The following CAMK4 variants were observed in gnomAD, a reference collection of about 807,000 sequenced individuals.
CAMK4 encodes calcium/calmodulin-dependent protein kinase type IV.
A neutral mutation model predicts 44.9 loss-of-function variants in CAMK4; 22 were observed. The observed-to-expected ratio is 0.49, with a 90% CI of 0.35 to 0.70. The LOEUF (loss-of-function observed/expected upper bound fraction) is 0.70, where lower values mean the gene tolerates loss of function less well. CAMK4 is among the 30% of genes least tolerant of loss of function. CAMK4 has a pLI of 0.01. For missense variants in CAMK4, 498 were observed against 586.8 expected (o/e 0.85, Z 1.56); for synonymous variants, 218 against 215.4 (o/e 1.01, Z -0.11).
intron 4 of CAMK4, among the ~76,000 whole-genome samples, chr5:111,381,448 G>A (rs545889227): frequency 1.2e-4 from 18 of 152,216 alleles, no homozygotes; most frequent in African/African-American, 3.4e-4. Flanking sequence ...TCCAAGAGTC[G>A]GAAAGCTGAA....
intron 2 of CAMK4, 59 bp from the exon 3 acceptor site, chr5:111,374,791 C>T (rs2112822796): frequency 2.8e-6 from 3 of 1,059,588 alleles, no homozygotes; most frequent in South Asian, 2.5e-5. Flanking sequence ...GTTTCTATTT[C>T]TCTGCTACAA....
At chr5:111,359,777 G>C (rs1028920426) in intron 2 of CAMK4, among the ~76,000 whole-genome samples, 1 of 151,934 alleles carries the variant, frequency 6.6e-6, no homozygotes, top group African/African-American at 2.4e-5. Flanking sequence ...TAAGGAAGGA[G>C]TCCAGTTTTA....
At chr5:111,458,615 G>A (rs992768789) in intron 7 of CAMK4, among the ~76,000 whole-genome samples, 6 of 152,126 alleles carry the variant, frequency 3.9e-5, no homozygotes, top group African/African-American at 1.4e-4. Context: ...TATACAGAAA[G>A]AGGTGATAAT....
chr5:111,491,501 G>A lies in CAMK4; in HGVS notation c.*7035G>A, dbSNP rs1445828637. ...CTTCTGAGAAAGTTAGGAAAATTTTGTTTTATGTTGCAGATGCTCTCACAA... is the reference window on the plus strand; with the variant it reads ...CTTCTGAGAAAGTTAGGAAAATTTTATTTTATGTTGCAGATGCTCTCACAA... On this transcript the variant is annotated 3_prime_UTR_variant, in exon 11 of 11. Coordinates refer to ENST00000282356, the MANE Select transcript of CAMK4 (RefSeq NM_001744.6). 6.7e-6 allele frequency: 1 copy of A among 148,634 alleles called. No individual in the cohort carries two copies. The highest frequency in any genetic ancestry group is 1.5e-5 in the Non-Finnish European group (1 of 67,182). 9.2% of individuals were successfully genotyped at this position (148,634 alleles called of 1,614,324 possible).
intron 1 of CAMK4, among the ~76,000 whole-genome samples, chr5:111,329,958 C>T (rs143759500): frequency 3.8e-4 from 58 of 151,728 alleles, no homozygotes; most frequent in African/African-American, 1.3e-3. Context: ...GCTCCCACTA[C>T]TTCAATAGAA....
chr5:111,396,860 C>T (rs1487065530), intron 5 of CAMK4, among the ~76,000 whole-genome samples: 2 of 151,788 alleles, frequency 1.3e-5, no homozygotes, highest in African/African-American at 4.8e-5. Context: ...AGGCTGACCT[C>T]GAACTCCTGA....
At chr5:111,334,697 C>G (rs1007675579) in intron 1 of CAMK4, among the ~76,000 whole-genome samples, 7 of 151,460 alleles carry the variant, frequency 4.6e-5, no homozygotes, top group African/African-American at 1.5e-4. Context: ...ATGATTGACA[C>G]TTCTTTTAAA....
chr5:111,413,415 A>G (rs376768241), intron 5 of CAMK4, among the ~76,000 whole-genome samples: 18 of 152,124 alleles, frequency 1.2e-4, no homozygotes, highest in African/African-American at 4.3e-4. Flanking sequence ...TGTCTCTACT[A>G]AAAATACAAA....
intron 2 of CAMK4, among the ~76,000 whole-genome samples, chr5:111,360,850 A>T (rs1367972257): frequency 1.3e-5 from 2 of 152,092 alleles, no homozygotes; most frequent in Non-Finnish European, 2.9e-5. Context: ...ATATATTGCT[A>T]TGGGGCAACA....
chr5:111,476,142 G>T (rs1389471785), intron 8 of CAMK4, among the ~76,000 whole-genome samples: 1 of 151,756 alleles, frequency 6.6e-6, no homozygotes, highest in Admixed American at 6.6e-5. Flanking sequence ...GCCATGAATA[G>T]ACATTGGATT....
At chr5:111,455,870 C>G (rs1754395716) in intron 7 of CAMK4, among the ~76,000 whole-genome samples, 1 of 152,178 alleles carries the variant, frequency 6.6e-6, no homozygotes, top group Admixed American at 6.5e-5. Context: ...AAATCTCAGT[C>G]TCCTCAACTA....
chr5:111,260,509 C>T (rs546490530), intron 1 of CAMK4, among the ~76,000 whole-genome samples: 1 of 152,116 alleles, frequency 6.6e-6, no homozygotes, highest in South Asian at 2.1e-4. Context: ...CTCTTGTCTT[C>T]CTATATTTTC....
chr5:111,485,504 A>T lies in CAMK4; in HGVS notation c.*1038A>T, dbSNP rs935886035. 1 of 152,202 alleles carries T rather than the reference A, an allele frequency of 6.6e-6. No homozygotes were observed. The highest frequency in any genetic ancestry group is 2.4e-5 in the African/African-American group (1 of 41,480). 9.4% of individuals were successfully genotyped at this position (152,202 alleles called of 1,614,324 possible). A position where few individuals can be genotyped will look rare whatever the true frequency, so the allele number is the denominator to read the frequency against. On this transcript the variant is annotated 3_prime_UTR_variant, in exon 11 of 11. Coordinates refer to ENST00000282356, the MANE Select transcript of CAMK4 (RefSeq NM_001744.6). ...TCATTATTGACTTTAATAGAGTAAG[A>T]AAACATTATTGTTTATCAAAGCTCT...
intron 7 of CAMK4, among the ~76,000 whole-genome samples, chr5:111,469,526 T>A (rs1754986756): frequency 6.6e-6 from 1 of 152,170 alleles, no homozygotes; most frequent in African/African-American, 2.4e-5. Context: ...AGACTCCCTG[T>A]ATAGTGGATC....
At chr5:111,367,454 C>A (rs1750834881) in intron 2 of CAMK4, among the ~76,000 whole-genome samples, 1 of 152,048 alleles carries the variant, frequency 6.6e-6, no homozygotes, top group African/African-American at 2.4e-5. Flanking sequence ...GCATTCAAAT[C>A]ATAGCACCTA....
At chr5:111,283,449 CTG>C (rs1751105134) in intron 1 of CAMK4, among the ~76,000 whole-genome samples, 1 of 152,240 alleles carries the variant, frequency 6.6e-6, no homozygotes, top group Non-Finnish European at 1.5e-5. Flanking sequence ...GTACCATACT[CTG>C]TGCCGTCAAA....
intron 1 of CAMK4, among the ~76,000 whole-genome samples, chr5:111,309,684 A>G (rs1748115569): frequency 6.6e-6 from 1 of 152,184 alleles, no homozygotes; most frequent in Non-Finnish European, 1.5e-5. Flanking sequence ...CCAGGTCCGG[A>G]TCATGGTAAA....
rs562654591 is a variant in CAMK4 at position 111,397,081 on chromosome 5, C to T, written c.459+2299C>T. Among the ~76,000 whole-genome samples the T allele has an allele frequency of 6.6e-5, 10 of 152,262 alleles. No individual in the cohort carries two copies. The East Asian group carries it at 1.9e-3, about 29-fold the overall frequency. On this transcript the variant is annotated intron_variant, in intron 5 of 10. Transcript: ENST00000282356. ...TAAAACCTCATTTCTTGTTATTATA[C>T]ATAATAAATTAATCAAGTAAACTTG...
intron 1 of CAMK4, among the ~76,000 whole-genome samples, chr5:111,284,966 A>G (rs1022925445): frequency 6.6e-6 from 1 of 152,264 alleles, no homozygotes; most frequent in Non-Finnish European, 1.5e-5. Flanking sequence ...AATCAGCAGA[A>G]GCTATTGCTA....
Sources: allele counts gnomAD v4.1 joint callset (sites outside exome capture counted in the v4.1 genomes callset), GRCh38; gene constraint gnomAD v4.1.1; transcripts MANE v1.5; gene names NCBI Gene and HGNC (gene_info 2026-07-23, HGNC 2026-07-21).